Variants in SLC34A1 observed in about 807,000 individuals in gnomAD.
SLC34A1 encodes sodium-dependent phosphate transport protein 2A.
In SLC34A1, 57 loss-of-function variants were observed where a neutral mutation model predicts 51.4. The observed-to-expected ratio is 1.11, with a 90% CI of 0.90 to 1.38. SLC34A1 has a LOEUF of 1.38. Among genes scored for constraint, SLC34A1 ranks in the 40% most tolerant of loss-of-function variants. SLC34A1 has a pLI of 0.00. For synonymous variants in SLC34A1, 368 were observed against 358.0 expected, an observed-to-expected ratio of 1.03 and a Z score of -0.32; for missense variants, 796 against 835.6, an observed-to-expected ratio of 0.95 and a Z score of 0.58.
chr5:177,398,735 C>T lies in SLC34A1; in HGVS notation c.*449C>T, dbSNP rs1464756876. 2 of 198,846 alleles carry T rather than the reference C, an allele frequency of 1.0e-5. 1 individual carries two copies. The highest frequency in any genetic ancestry group is 2.8e-4 in the East Asian group (2 of 7,220). The allele number at this position is 198,846 out of a possible 1,614,324, so 12.3% of individuals were successfully genotyped here. A position where few individuals can be genotyped will look rare whatever the true frequency, so the allele number is the denominator to read the frequency against. On this transcript the variant is annotated 3_prime_UTR_variant, in exon 13 of 13. Transcript: ENST00000324417. This position sits in a 1 kb window ranked among gnomAD's most constrained non-coding sequence, Gnocchi z 4.7. ...ACACCTCCTTGCCACCTTCCTTCCT[C>T]CAAGATACCATCTCCTCATCCTAAC...
chr5:177,398,092 T>A lies in SLC34A1; in HGVS notation c.1726T>A (p.Trp576Arg), dbSNP rs754233417. The change falls in exon 13 of 13, where the codon TGG (tryptophan) becomes AGG (arginine). Residue 576 changes from tryptophan (W) to arginine (R), a missense_variant. By Grantham distance (101) the Trp-to-Arg change is moderately radical (BLOSUM62 -3). Coordinates refer to ENST00000324417, the MANE Select transcript of SLC34A1 (RefSeq NM_003052.5). This position sits in a 1 kb window ranked among gnomAD's most constrained non-coding sequence, Gnocchi z 4.7. ...PGHLPKWLQTWDFLPRWMHSL... is the reference protein window; with the variant it reads ...PGHLPKWLQTRDFLPRWMHSL... ...GCACCTGCCCAAGTGGTTACAGACA[T>A]GGGACTTCCTGCCTCGCTGGATGCA... The A allele has an allele frequency of 8.1e-6, 13 of 1,612,260 alleles. No homozygotes were observed. Among genetic ancestry groups the A allele is most frequent in the Non-Finnish European group, 1.1e-5 (13 of 1,178,636 alleles).
In SLC34A1 at chr5:177,398,153, C is replaced by A. The variant is rs576047850; in HGVS notation, c.1787C>A (p.Ala596Asp). The A allele has an allele frequency of 8.1e-6, 13 of 1,611,758 alleles. No individual in the cohort carries two copies. In the African/African-American group the frequency reaches 1.7e-4, roughly 21 times the overall value. The stretch of plus-strand genomic sequence containing the variant: ...CCCCTGGACCACCTCATCACCCGCG[C>A]CACCCTATGCTGTGCCAGGCCTGAG... ...LKPLDHLITR[A>D]TLCCARPEPR... The change falls in exon 13 of 13, where the codon GCC becomes GAC. Residue 596 changes from alanine (A) to aspartate (D), a missense_variant. Coordinates refer to ENST00000324417, the MANE Select transcript of SLC34A1 (RefSeq NM_003052.5). The surrounding 1 kb of genome is among the most constrained non-coding windows in gnomAD (Gnocchi z 4.7).
At position 177,385,843 on chromosome 5, in the gene SLC34A1, C is replaced by T. The variant is rs747280512; in HGVS notation, c.102C>T (p.Ser34=). Residue 34 remains serine, a synonymous_variant, in exon 2 of 13, where the codon AGC becomes AGT. Coordinates refer to ENST00000324417, the MANE Select transcript of SLC34A1 (RefSeq NM_003052.5). ...MRGTAFAYVP[S]PQVLHRIPGT... ...GGACGGCCTTTGCCTACGTGCCCAG[C>T]CCTCAGGGTAAGTGCTGCTCCCACA... 1 of 1,613,464 alleles carries T rather than the reference C, an allele frequency of 6.2e-7. No individual in the cohort carries two copies. Among genetic ancestry groups the T allele is most frequent in the Non-Finnish European group, 8.5e-7 (1 of 1,179,864 alleles).
chr5:177,394,275 C>A (rs1393393899), intron 10 of SLC34A1, 80 bp downstream of exon 10: 1 of 1,437,218 alleles, frequency 7.0e-7, no homozygotes, highest in South Asian at 1.1e-5. Flanking sequence ...CTGCCTTGAT[C>A]TGGGTAAACC....
In SLC34A1 at chr5:177,394,267, G is replaced by A. The variant is rs1762892179; in HGVS notation, c.1174+72G>A. On this transcript the variant is annotated intron_variant, in intron 10 of 12. Transcript: ENST00000324417. ...CCAGATCCTGCTAAGTCCTGTGACT[G>A]CCTTGATCTGGGTAAACCCTACCAT... The A allele has an allele frequency of 4.0e-6, 6 of 1,492,880 alleles. 1 individual carries two copies. In the South Asian group the frequency reaches 6.8e-5, roughly 17 times the overall value. The allele number at this position is 1,492,880 out of a possible 1,614,324, so 92.5% of individuals were successfully genotyped here.
At chr5:177,392,468 T>C (rs1490180954) in intron 8 of SLC34A1, among the ~76,000 whole-genome samples, 1 of 76,938 alleles carries the variant, frequency 1.3e-5, no homozygotes, top group Non-Finnish European at 3.2e-5. Flanking sequence ...TGTCTCAAAA[T>C]AAATAAATAA....
Position 177,386,402 on chromosome 5 carries a change from A to T in SLC34A1, c.389-21A>T. 1 of 1,614,210 alleles carries T rather than the reference A, an allele frequency of 6.2e-7. No individual in the cohort carries two copies. The highest frequency in any genetic ancestry group is 8.5e-7 in the Non-Finnish European group (1 of 1,180,026). ...AGGGGTTCCTGAAGGGCCTTGGACA[A>T]CGCTGGCTCATGCTCCCCAGGGAAG... On this transcript the variant is annotated intron_variant, in intron 4 of 12. Transcript: ENST00000324417. The surrounding 1 kb of genome is among the most constrained non-coding windows in gnomAD (Gnocchi z 4.8).
In SLC34A1 at chr5:177,386,791, T is replaced by A. The variant is rs1762591552; in HGVS notation, c.532+225T>A. ...GTAGTTTGTCTGGGCAAGTCAGGAA[T>A]CCGTAGGCCAGGGCATTGGAAGGGC... On this transcript the variant is annotated intron_variant, in intron 5 of 12. Transcript: ENST00000324417. The surrounding 1 kb of genome is among the most constrained non-coding windows in gnomAD (Gnocchi z 4.8). Among the ~76,000 whole-genome samples, 1 of 151,830 alleles carries A rather than the reference T, an allele frequency of 6.6e-6. No homozygotes were observed. The highest frequency in any genetic ancestry group is 1.5e-5 in the Non-Finnish European group (1 of 67,954).
rs566411557 is a variant in SLC34A1, at chr5:177,395,655, CAG to C, written c.1175-1075_1175-1074del. Among the ~76,000 whole-genome samples, 410 of 152,188 alleles carry C rather than the reference CAG, an allele frequency of 2.7e-3. 2 individuals carry two copies. Among genetic ancestry groups the C allele is most frequent in the African/African-American group, 9.3e-3 (386 of 41,506 alleles). Reference sequence around the variant, plus strand: ...ATTTTCCCTTTTTTGTTTTTTGAGACAGAGTCTTACTTTGTCACCCAGGCTGG... The same window carrying C: ...ATTTTCCCTTTTTTGTTTTTTGAGACAGTCTTACTTTGTCACCCAGGCTGG... On this transcript the variant is annotated intron_variant, in intron 10 of 12. Transcript: ENST00000324417.
At chr5:177,384,931 G>A (rs1214396797) in intron 1 of SLC34A1, among the ~76,000 whole-genome samples, 2 of 151,676 alleles carry the variant, frequency 1.3e-5, no homozygotes, top group Non-Finnish European at 2.9e-5. Flanking sequence ...CCCTACAACA[G>A]CCAAGGACGC....
intron 8 of SLC34A1, among the ~76,000 whole-genome samples, chr5:177,392,729 T>G (rs528970871): frequency 2.0e-5 from 3 of 152,234 alleles, no homozygotes; most frequent in Admixed American, 2.0e-4. Flanking sequence ...GCTCAAGAGA[T>G]CCTCCTGCTC....
chr5:177,385,924 G>C, intron 2 of SLC34A1, 63 bp from the exon 3 acceptor site: 2 of 1,609,708 alleles, frequency 1.2e-6, no homozygotes, highest in Non-Finnish European at 1.7e-6. Context: ...CACTTCCCCC[G>C]CCTGTTCCTC....
At position 177,398,590 on chromosome 5, in the gene SLC34A1, G is replaced by T. The variant is rs1003176494; in HGVS notation, c.*304G>T. 3 of 520,672 alleles carry T rather than the reference G, an allele frequency of 5.8e-6. No homozygotes were observed. The highest frequency in any genetic ancestry group is 7.1e-6 in the Non-Finnish European group (2 of 283,682). 32.3% of individuals were successfully genotyped at this position (520,672 alleles called of 1,614,324 possible). A position where few individuals can be genotyped will look rare whatever the true frequency, so the allele number is the denominator to read the frequency against. ...TGCAGGCTGCAGGATATCTGGGTAT[G>T]ATTTCAGGTCCTCTGCACGTGTACA... On this transcript the variant is annotated 3_prime_UTR_variant, in exon 13 of 13. Transcript: ENST00000324417. This position sits in a 1 kb window ranked among gnomAD's most constrained non-coding sequence, Gnocchi z 4.7.
At position 177,388,061 on chromosome 5, in the gene SLC34A1, G is replaced by A; in HGVS notation, c.712G>A (p.Glu238Lys). The A allele has an allele frequency of 6.2e-7, 1 of 1,614,106 alleles. No homozygotes were observed. Among genetic ancestry groups the A allele is most frequent in the Non-Finnish European group, 8.5e-7 (1 of 1,180,010 alleles). ...WLSVLVLLPL[E>K]AATGYLHHIT... ...GTCAGTGCTGGTCCTGCTGCCCCTGGAGGCTGCCACTGGCTACCTGCACCA... is the reference window on the plus strand; with the variant it reads ...GTCAGTGCTGGTCCTGCTGCCCCTGAAGGCTGCCACTGGCTACCTGCACCA... The change falls in exon 7 of 13, where the codon GAG becomes AAG. Residue 238 changes from glutamate (E) to lysine (K), a missense_variant. Transcript: ENST00000324417. The surrounding 1 kb of genome is among the most constrained non-coding windows in gnomAD (Gnocchi z 4.3).
intron 9 of SLC34A1, 63 bp downstream of exon 9, chr5:177,393,826 C>G (rs1223037630): frequency 7.8e-6 from 12 of 1,543,612 alleles, no homozygotes; most frequent in Non-Finnish European, 1.1e-5. Context: ...AGTGGCAGGG[C>G]AATCCCACAC....
chr5:177,387,709 G>C, intron 5 of SLC34A1, 53 bp from the exon 6 acceptor site: 1 of 1,442,606 alleles, frequency 6.9e-7, no homozygotes, highest in Non-Finnish European at 9.8e-7. Flanking sequence ...AGTTGTGGTG[G>C]TGCAGGAGCT....
At chr5:177,395,228 G>A (rs1334164411) in intron 10 of SLC34A1, among the ~76,000 whole-genome samples, 3 of 152,038 alleles carry the variant, frequency 2.0e-5, no homozygotes, top group Non-Finnish European at 4.4e-5. Flanking sequence ...AATGAATTAG[G>A]GGGATAAATT....
chr5:177,389,728 T>C (rs1762735619), intron 8 of SLC34A1: 11 of 1,537,204 alleles, frequency 7.2e-6, no homozygotes, highest in Non-Finnish European at 8.7e-6. Context: ...GCCCCTGAGC[T>C]CCCTGCCGGC....
intron 9 of SLC34A1, 31 bp downstream of exon 9, chr5:177,393,794 C>T (rs1023738718): frequency 6.2e-7 from 1 of 1,609,590 alleles, no homozygotes; most frequent in Non-Finnish European, 8.5e-7. Context: ...AGGTGTCCTG[C>T]ATGGCAGGGG....
Sources: allele counts gnomAD v4.1 joint callset (sites outside exome capture counted in the v4.1 genomes callset), GRCh38; gene constraint gnomAD v4.1.1; non-coding constraint Gnocchi (gnomAD v3.1); transcripts MANE v1.5; gene names NCBI Gene and HGNC (gene_info 2026-07-23, HGNC 2026-07-21).